Variants in MAMDC2 observed in about 807,000 individuals in gnomAD.
MAMDC2 encodes MAM domain containing 2.
MAMDC2 carries 57 observed loss-of-function variants against 89.8 expected under a neutral mutation model. The observed-to-expected ratio is 0.63, with a 90% CI of 0.51 to 0.79. The LOEUF (loss-of-function observed/expected upper bound fraction) is 0.79, where lower values mean the gene tolerates loss of function less well. MAMDC2 is among the 30% of genes least tolerant of loss of function. The pLI, the probability that MAMDC2 is intolerant of heterozygous loss-of-function variation, is 0.00. For synonymous variants in MAMDC2, 313 were observed against 293.4 expected (o/e 1.07, Z -0.68); for missense variants, 800 against 820.6 (o/e 0.97, Z 0.31).
At chr9:70,195,366 A>G (rs1250329899) in intron 11 of MAMDC2, among the ~76,000 whole-genome samples, 1 of 152,028 alleles carries the variant, frequency 6.6e-6, no homozygotes, top group African/African-American at 2.4e-5. Flanking sequence ...GATTTGACAA[A>G]CTATTTCCTG....
intron 2 of MAMDC2, among the ~76,000 whole-genome samples, chr9:70,076,178 T>G (rs1303497196): frequency 6.6e-6 from 1 of 152,130 alleles, no homozygotes; most frequent in Non-Finnish European, 1.5e-5. Flanking sequence ...ATCCCAGCAC[T>G]TTGGGAGGCT....
At chr9:70,046,830 C>G (rs1236434153) in intron 2 of MAMDC2, among the ~76,000 whole-genome samples, 1 of 152,212 alleles carries the variant, frequency 6.6e-6, no homozygotes, top group African/African-American at 2.4e-5. Context: ...TCTGAGCACT[C>G]CAGGGTGGAG....
At chr9:70,141,288 G>A (rs1804676144) in intron 8 of MAMDC2, among the ~76,000 whole-genome samples, 2 of 152,142 alleles carry the variant, frequency 1.3e-5, no homozygotes, top group African/African-American at 4.8e-5. Flanking sequence ...TGGGAGCAGT[G>A]AACTGATGAA....
At chr9:70,078,039 A>G (rs1304734628) in intron 2 of MAMDC2, among the ~76,000 whole-genome samples, 1 of 67,796 alleles carries the variant, frequency 1.5e-5, no homozygotes, top group African/African-American at 1.0e-4. Flanking sequence ...TATAATTTTT[A>G]TTAGGAAGTC....
rs368898069 is a variant in MAMDC2, at chr9:70,196,761, C to T, written c.1652-21576C>T. ...AGGCACCAAGGCATAAAACATGGAACGACAGATGAACTCTGGTACCATGTG... is the reference window on the plus strand; with the variant it reads ...AGGCACCAAGGCATAAAACATGGAATGACAGATGAACTCTGGTACCATGTG... On this transcript the variant is annotated intron_variant, in intron 11 of 13. Transcript: ENST00000377182. Among the ~76,000 whole-genome samples the T allele has an allele frequency of 1.3e-3, 195 of 152,130 alleles. 2 individuals carry two copies. The highest frequency in any genetic ancestry group is 4.1e-3 in the African/African-American group (169 of 41,504).
intron 2 of MAMDC2, among the ~76,000 whole-genome samples, chr9:70,051,001 C>T (rs1327755590): frequency 6.6e-6 from 1 of 152,192 alleles, no homozygotes; most frequent in Non-Finnish European, 1.5e-5. Flanking sequence ...TATTCTCCCA[C>T]CCCAGCCTGC....
At chr9:70,131,743 A>T in intron 7 of MAMDC2, 131 bp downstream of exon 7, 1 of 695,670 alleles carries the variant, frequency 1.4e-6, no homozygotes, top group Non-Finnish European at 2.4e-6. Flanking sequence ...AAATTATTTA[A>T]TCAAAGGTCA....
chr9:70,197,063 G>C (rs2032986552), intron 11 of MAMDC2, among the ~76,000 whole-genome samples: 1 of 25,612 alleles, frequency 3.9e-5, no homozygotes, highest in South Asian at 2.9e-3. Context: ...AAATGAAAAT[G>C]TTCAGGTTGT....
In MAMDC2 at chr9:70,113,133, G is replaced by T; in HGVS notation, c.643+1G>T. On this transcript the variant is annotated splice_donor_variant, in intron 5 of 13. Coordinates refer to ENST00000377182, the MANE Select transcript of MAMDC2 (RefSeq NM_153267.5). LOFTEE classifies it high-confidence loss of function. ...GATCACACCTTCAAGAGTGAACTGG[G>T]TGAGCTGGGATCAAATAGAGTCCTT... The T allele has an allele frequency of 3.1e-6, 5 of 1,613,914 alleles. No homozygotes were observed. Among genetic ancestry groups the T allele is most frequent in the Non-Finnish European group, 4.2e-6 (5 of 1,179,936 alleles).
intron 11 of MAMDC2, among the ~76,000 whole-genome samples, chr9:70,209,865 T>C (rs2033314334): frequency 6.6e-6 from 1 of 152,224 alleles, no homozygotes; most frequent in Non-Finnish European, 1.5e-5. Context: ...AGAGAACATC[T>C]TTATCTCTGC....
At position 70,108,993 on chromosome 9, in the gene MAMDC2, G is replaced by A. The variant is rs531154061; in HGVS notation, c.420+511G>A. 2.0e-5 allele frequency among the ~76,000 whole-genome samples: 3 copies of A among 152,332 alleles called. No homozygotes were observed. In the South Asian group the frequency reaches 6.2e-4, roughly 32 times the overall value. On this transcript the variant is annotated intron_variant, in intron 3 of 13. Transcript: ENST00000377182. The stretch of plus-strand genomic sequence containing the variant: ...TCCTTTGGGAGTCCTGGAAAAGGAA[G>A]GTAGCGAATGTAAGGTGAAGCTGGG...
chr9:70,107,211 G>A (rs1162491022), intron 2 of MAMDC2, among the ~76,000 whole-genome samples: 1 of 152,092 alleles, frequency 6.6e-6, no homozygotes, highest in African/African-American at 2.4e-5. Context: ...ATGGCCAGAG[G>A]TGGGTTTGGA....
At position 70,051,924 on chromosome 9, in the gene MAMDC2, T is replaced by TAGAC. The variant is rs796094259; in HGVS notation, c.148+7235_148+7238dup. ...ATAGATAGATAGATAGATAGATAGA[T>TAGAC]AGACAGACAGATAGATAGATATAGT... is the stretch of plus-strand genomic sequence containing the variant. On this transcript the variant is annotated intron_variant, in intron 2 of 13. Transcript: ENST00000377182. Among the ~76,000 whole-genome samples the TAGAC allele has an allele frequency of 8.5e-3, 1,298 of 151,944 alleles. 22 individuals are homozygous for TAGAC. The highest frequency in any genetic ancestry group is 0.027 in the African/African-American group (1,108 of 41,346).
intron 11 of MAMDC2, among the ~76,000 whole-genome samples, chr9:70,207,606 C>G (rs908420922): frequency 6.6e-6 from 1 of 152,114 alleles, no homozygotes; most frequent in East Asian, 1.9e-4. Flanking sequence ...ATGGTAGTTT[C>G]TTTTGCTGTG....
At chr9:70,066,018 G>T (rs1166782459) in intron 2 of MAMDC2, among the ~76,000 whole-genome samples, 1 of 152,106 alleles carries the variant, frequency 6.6e-6, no homozygotes, top group Non-Finnish European at 1.5e-5. Flanking sequence ...ACAAAGTTCC[G>T]ACTCTCCTGA....
At chr9:70,195,954 T>C (rs1254695972) in intron 11 of MAMDC2, among the ~76,000 whole-genome samples, 1 of 152,122 alleles carries the variant, frequency 6.6e-6, no homozygotes, top group Non-Finnish European at 1.5e-5. Context: ...AAGACATACT[T>C]GAGACTGGAT....
In MAMDC2 at chr9:70,121,486, G is replaced by A. The variant is rs895563869; in HGVS notation, c.644-4673G>A. ...TAGATTGATTTTCACTCTGTGTATG[G>A]CAAAGCAGAACAGATTGTAGAGGAA... is the stretch of plus-strand genomic sequence containing the variant. On this transcript the variant is annotated intron_variant, in intron 5 of 13. Coordinates refer to ENST00000377182, the MANE Select transcript of MAMDC2 (RefSeq NM_153267.5). Among the ~76,000 whole-genome samples the A allele has an allele frequency of 2.2e-4, 33 of 152,232 alleles. No individual in the cohort carries two copies. The South Asian group carries it at 3.3e-3, about 15-fold the overall frequency.
chr9:70,072,940 A>C lies in MAMDC2; in HGVS notation c.148+28243A>C, dbSNP rs776215422. On this transcript the variant is annotated intron_variant, in intron 2 of 13. Coordinates refer to ENST00000377182, the MANE Select transcript of MAMDC2 (RefSeq NM_153267.5). ...AACCTCCGCCTGCCAGGTTCAAGCG[A>C]TTCTCCTGCTTCAGCCTCCCGAGTA... is the stretch of plus-strand genomic sequence containing the variant. 1.9e-4 allele frequency among the ~76,000 whole-genome samples: 29 copies of C among 152,188 alleles called. No individual in the cohort carries two copies. The Middle Eastern group carries it at 0.01, about 54-fold the overall frequency.
chr9:70,124,533 A>T (rs1163834694), intron 5 of MAMDC2, among the ~76,000 whole-genome samples: 1 of 152,092 alleles, frequency 6.6e-6, no homozygotes. Flanking sequence ...CCATGTTGAG[A>T]TGAGGACCTT....
Sources: gnomAD v4.1 joint callset for allele counts (sites outside exome capture counted in the v4.1 genomes callset) on GRCh38, gnomAD v4.1.1 for gene constraint, MANE v1.5 for transcripts, NCBI Gene and HGNC (gene_info 2026-07-23, HGNC 2026-07-21) for gene names.